SHANK2: variants seen among roughly 807,000 people sequenced by gnomAD.
SHANK2 encodes SH3 and multiple ankyrin repeat domains 2.
A neutral mutation model predicts 133.7 loss-of-function variants in SHANK2; 43 were observed. The ratio of observed to expected loss-of-function variants is 0.32; its 90% CI spans 0.25 to 0.41. The LOEUF (loss-of-function observed/expected upper bound fraction) is 0.41, where lower values mean the gene tolerates loss of function less well. SHANK2 is among the 10% of genes least tolerant of loss of function. SHANK2 has a pLI of 1.00. For synonymous variants in SHANK2, 1,017 were observed against 952.8 expected (o/e 1.07, Z -1.24); for missense variants, 1,994 against 2,235.8 (o/e 0.89, Z 2.18).
chr11:71,127,169 C>T (rs563574129), intron 3 of SHANK2, among the ~76,000 whole-genome samples: 2 of 152,256 alleles, frequency 1.3e-5, no homozygotes, highest in South Asian at 2.1e-4. Context: ...GTGGGGCTGA[C>T]GATGGGACTG....
intron 1 of SHANK2, among the ~76,000 whole-genome samples, chr11:71,231,916 A>G (rs1437780118): frequency 6.6e-6 from 1 of 152,100 alleles, no homozygotes; most frequent in Non-Finnish European, 1.5e-5. Context: ...AAAGAAACCT[A>G]TACACTAATG....
At chr11:71,066,047 A>G (rs1427489040) in intron 9 of SHANK2, among the ~76,000 whole-genome samples, 37 of 73,086 alleles carry the variant, frequency 5.1e-4, no homozygotes, top group East Asian at 2.6e-3. Context: ...GGGGGAGGGT[A>G]CAGAACTCTC....
intron 17 of SHANK2, among the ~76,000 whole-genome samples, chr11:70,540,733 G>T (rs559506033): frequency 1.3e-5 from 2 of 151,902 alleles, no homozygotes; most frequent in African/African-American, 2.4e-5. Context: ...AATTAGCCGG[G>T]TGTGGTGGCG....
chr11:70,829,843 C>G (rs1231821740), intron 11 of SHANK2, among the ~76,000 whole-genome samples: 1 of 152,220 alleles, frequency 6.6e-6, no homozygotes, highest in Non-Finnish European at 1.5e-5. Flanking sequence ...CTGGGCCAGG[C>G]TCTGCCACAC....
intron 14 of SHANK2, among the ~76,000 whole-genome samples, chr11:70,746,528 A>G (rs1946642154): frequency 7.4e-6 from 1 of 136,018 alleles, no homozygotes; most frequent in Non-Finnish European, 1.5e-5. Flanking sequence ...CACAGCACGC[A>G]TCTCCTCTCC....
At chr11:70,608,254 C>A (rs565984015) in intron 17 of SHANK2, among the ~76,000 whole-genome samples, 2 of 152,110 alleles carry the variant, frequency 1.3e-5, no homozygotes, top group Non-Finnish European at 2.9e-5. Flanking sequence ...ATTGTGGGTG[C>A]GAACCACCTC....
intron 25 of SHANK2, among the ~76,000 whole-genome samples, chr11:70,476,426 G>A (rs906673445): frequency 1.1e-4 from 16 of 152,146 alleles, no homozygotes; most frequent in Admixed American, 5.2e-4. Context: ...AAAGAAGGTC[G>A]AAAGACCAGC....
At chr11:70,805,419 A>C (rs1334461436) in intron 13 of SHANK2, among the ~76,000 whole-genome samples, 3 of 152,218 alleles carry the variant, frequency 2.0e-5, no homozygotes, top group Admixed American at 2.0e-4. Context: ...TTCAGCTCTC[A>C]CTTCCTAGAA....
At position 71,252,251 on chromosome 11, in the gene SHANK2, C is replaced by A. The variant is rs1217012371; in HGVS notation, c.-113+174G>T. 6.6e-6 allele frequency among the ~76,000 whole-genome samples: 1 copy of A among 152,096 alleles called. No homozygotes were observed. The highest frequency in any genetic ancestry group is 2.4e-5 in the African/African-American group (1 of 41,452). ...CCCCCACCTGGACACGCGGCTCACTCCCCCCAGCGCCCACCTCTCCAGCCT... is the reference window on the plus strand; with the variant it reads ...CCCCCACCTGGACACGCGGCTCACTACCCCCAGCGCCCACCTCTCCAGCCT... On this transcript the variant is annotated intron_variant, in intron 1 of 25. Coordinates refer to ENST00000601538, the MANE Select transcript of SHANK2 (RefSeq NM_012309.5). The surrounding 1 kb of genome is among the most constrained non-coding windows in gnomAD (Gnocchi z 6.3).
At chr11:70,757,538 C>T (rs547802415) in intron 14 of SHANK2, among the ~76,000 whole-genome samples, 4 of 152,338 alleles carry the variant, frequency 2.6e-5, no homozygotes, top group South Asian at 4.1e-4. Flanking sequence ...TTCCAGAAGT[C>T]GGGAATTGTG....
intron 6 of SHANK2, among the ~76,000 whole-genome samples, chr11:71,104,850 G>A (rs528354278): frequency 2.0e-5 from 3 of 152,332 alleles, no homozygotes; most frequent in Non-Finnish European, 4.4e-5. Context: ...TGAGACCAGG[G>A]CCATCTGCGC....
chr11:70,619,494 C>G (rs2136443078), intron 17 of SHANK2, among the ~76,000 whole-genome samples: 1 of 152,306 alleles, frequency 6.6e-6, no homozygotes, highest in Admixed American at 6.5e-5. Context: ...ACACTCAGGC[C>G]CCCCTAAGCG....
chr11:70,661,376 C>A (rs1165855752), intron 16 of SHANK2, among the ~76,000 whole-genome samples: 1 of 152,118 alleles, frequency 6.6e-6, no homozygotes, highest in Non-Finnish European at 1.5e-5. Context: ...TCAAGGAAGC[C>A]CTAACGTTTT....
intron 10 of SHANK2, among the ~76,000 whole-genome samples, chr11:70,909,814 G>T (rs1950162447): frequency 6.6e-6 from 1 of 152,190 alleles, no homozygotes; most frequent in Non-Finnish European, 1.5e-5. Context: ...TTTTCTGCAG[G>T]ACAGTAACCA....
intron 17 of SHANK2, among the ~76,000 whole-genome samples, chr11:70,625,523 G>A (rs1350240445): frequency 6.6e-6 from 1 of 152,092 alleles, no homozygotes; most frequent in Non-Finnish European, 1.5e-5. Flanking sequence ...GGAGCCCAGA[G>A]ACCACCTCCC....
intron 14 of SHANK2, among the ~76,000 whole-genome samples, chr11:70,791,604 G>C (rs1947787308): frequency 6.6e-6 from 1 of 152,194 alleles, no homozygotes; most frequent in Admixed American, 6.5e-5. Context: ...CTCAGAGCTA[G>C]CCAGAGACAG....
rs782576737 is a variant in SHANK2, at chr11:70,489,358, G to C, written c.2552-10C>G. 2.2e-5 allele frequency: 35 copies of C among 1,613,698 alleles called. No homozygotes were observed. Among genetic ancestry groups the C allele is most frequent in the African/African-American group, 9.3e-5 (7 of 74,948 alleles). ...AGAAAGATTCTGCTGTCTGACAGGA[G>C]GAAATCAGTTGTTATTAACCAGTAA... On this transcript the variant is annotated splice_polypyrimidine_tract_variant and intron_variant, in intron 23 of 25. Coordinates refer to ENST00000601538, the MANE Select transcript of SHANK2 (RefSeq NM_012309.5).
intron 3 of SHANK2, among the ~76,000 whole-genome samples, chr11:71,135,756 G>A (rs555436980): frequency 2.8e-4 from 42 of 152,138 alleles, no homozygotes; most frequent in African/African-American, 8.7e-4. Context: ...GTGCCCAGCC[G>A]GGGAGGACCT....
intron 15 of SHANK2, among the ~76,000 whole-genome samples, chr11:70,664,863 A>G (rs1944650513): frequency 6.6e-6 from 1 of 152,196 alleles, no homozygotes; most frequent in Non-Finnish European, 1.5e-5. Context: ...TTTGACCCCA[A>G]GGTCACTGAC....
Sources: gnomAD v4.1 joint callset for allele counts (sites outside exome capture counted in the v4.1 genomes callset) on GRCh38, gnomAD v4.1.1 for gene constraint, Gnocchi (gnomAD v3.1) non-coding constraint, MANE v1.5 for transcripts, NCBI Gene and HGNC (gene_info 2026-07-23, HGNC 2026-07-21) for gene names.